The following KHDRBS2 variants were observed in gnomAD, a reference collection of about 807,000 sequenced individuals.
The protein encoded by KHDRBS2 is KH domain-containing, RNA-binding, signal transduction-associated protein 2.
Under a neutral mutation model 44.3 loss-of-function variants are expected in KHDRBS2, and 26 were observed. The observed-to-expected ratio is 0.59, with a 90% CI of 0.43 to 0.81. The LOEUF (loss-of-function observed/expected upper bound fraction) is 0.81. Among genes scored for constraint, KHDRBS2 ranks in the 40% least tolerant of loss-of-function variants. The pLI is 0.00. For missense variants in KHDRBS2, 476 were observed against 433.1 expected, an observed-to-expected ratio of 1.10 and a Z score of -0.88; for synonymous variants, 194 against 151.1, an observed-to-expected ratio of 1.28 and a Z score of -2.08.
intron 2 of KHDRBS2, among the ~76,000 whole-genome samples, chr6:62,145,727 T>A (rs775598965): frequency 1.7e-4 from 26 of 151,910 alleles, no homozygotes; most frequent in Non-Finnish European, 3.2e-4. Flanking sequence ...AGATGGAGCA[T>A]CTGTGAATCT....
At chr6:61,936,821 G>A (rs1275705012) in intron 4 of KHDRBS2, among the ~76,000 whole-genome samples, 2 of 151,830 alleles carry the variant, frequency 1.3e-5, no homozygotes, top group African/African-American at 2.4e-5. Context: ...AAATTCACTG[G>A]TGAGAAATTT....
At chr6:62,072,800 C>A (rs983915811) in intron 2 of KHDRBS2, among the ~76,000 whole-genome samples, 2 of 151,992 alleles carry the variant, frequency 1.3e-5, no homozygotes, top group Non-Finnish European at 2.9e-5. Context: ...GTCTAAAATT[C>A]TCTTTTTTTG....
chr6:62,196,344 A>G (rs1326163658), intron 1 of KHDRBS2, among the ~76,000 whole-genome samples: 1 of 152,176 alleles, frequency 6.6e-6, no homozygotes, highest in Non-Finnish European at 1.5e-5. Context: ...TTACTTCCCA[A>G]TAAGTATACT....
At chr6:61,960,644 C>T (rs1429696912) in intron 4 of KHDRBS2, among the ~76,000 whole-genome samples, 5 of 152,096 alleles carry the variant, frequency 3.3e-5, no homozygotes, top group Non-Finnish European at 1.5e-5. Context: ...AAGCAGAATG[C>T]CTCCATTAAC....
chr6:61,667,817 T>C, the KHDRBS2 span, among the ~76,000 whole-genome samples: 3 of 151,266 alleles, frequency 2.0e-5, no homozygotes, highest in African/African-American at 7.3e-5. Context: ...AGTGTTTTCT[T>C]GGGTGATACA....
chr6:62,262,915 A>T (rs1267883008), intron 1 of KHDRBS2, among the ~76,000 whole-genome samples: 4 of 151,770 alleles, frequency 2.6e-5, no homozygotes, highest in Non-Finnish European at 4.4e-5. Flanking sequence ...CTCTCTAAAA[A>T]CAAATACATG....
the KHDRBS2 span, among the ~76,000 whole-genome samples, chr6:61,661,532 TA>T: frequency 1.3e-5 from 2 of 151,946 alleles, no homozygotes; most frequent in Non-Finnish European, 2.9e-5. Flanking sequence ...CAACCTTTTG[TA>T]TTTAAGGGCT....
At chr6:62,157,432 A>G (rs1481065052) in intron 2 of KHDRBS2, among the ~76,000 whole-genome samples, 1 of 152,222 alleles carries the variant, frequency 6.6e-6, no homozygotes, top group African/African-American at 2.4e-5. Flanking sequence ...ATATCCAACT[A>G]ACTGAAATGT....
intron 3 of KHDRBS2, among the ~76,000 whole-genome samples, chr6:61,989,668 C>A (rs1775754689): frequency 6.6e-6 from 1 of 152,176 alleles, no homozygotes; most frequent in Non-Finnish European, 1.5e-5. Flanking sequence ...TGTTCACTTT[C>A]TCTGGAAAGA....
intron 3 of KHDRBS2, among the ~76,000 whole-genome samples, chr6:62,023,914 T>C (rs1004727241): frequency 1.3e-5 from 2 of 151,188 alleles, no homozygotes; most frequent in African/African-American, 4.8e-5. Context: ...ATACATATTA[T>C]TTAAAACTAT....
At chr6:61,716,607 A>C (rs1400499932) in intron 7 of KHDRBS2, among the ~76,000 whole-genome samples, 1 of 151,936 alleles carries the variant, frequency 6.6e-6, no homozygotes, top group Non-Finnish European at 1.5e-5. Context: ...ATGTTGAAAA[A>C]ACGATAGTCG....
intron 2 of KHDRBS2, among the ~76,000 whole-genome samples, chr6:62,057,778 A>G (rs1790633701): frequency 2.0e-5 from 3 of 151,950 alleles, no homozygotes; most frequent in Non-Finnish European, 4.4e-5. Context: ...AGACAATTAA[A>G]TTTGTATAAG....
At chr6:61,830,331 T>C (rs1791594670) in intron 6 of KHDRBS2, among the ~76,000 whole-genome samples, 1 of 152,208 alleles carries the variant, frequency 6.6e-6, no homozygotes, top group South Asian at 2.1e-4. Flanking sequence ...AATTGACAGC[T>C]ATACATTCAG....
At chr6:62,133,930 G>A (rs933060896) in intron 2 of KHDRBS2, among the ~76,000 whole-genome samples, 26 of 152,104 alleles carry the variant, frequency 1.7e-4, no homozygotes, top group African/African-American at 6.0e-4. Flanking sequence ...GAGGTGACTT[G>A]GGCGCTGTAA....
intron 7 of KHDRBS2, among the ~76,000 whole-genome samples, chr6:61,709,626 G>A (rs947554182): frequency 7.9e-5 from 12 of 151,254 alleles, no homozygotes; most frequent in African/African-American, 1.2e-4. Context: ...ATGAATGAGC[G>A]GTGAGCAATT....
intron 6 of KHDRBS2, among the ~76,000 whole-genome samples, chr6:61,861,636 A>G (rs576209994): frequency 6.8e-6 from 1 of 147,404 alleles, no homozygotes; most frequent in African/African-American, 2.5e-5. Flanking sequence ...ATATAAATCC[A>G]GGTAGCACGA....
the KHDRBS2 span, among the ~76,000 whole-genome samples, chr6:61,660,861 G>A: frequency 6.6e-6 from 1 of 151,780 alleles, no homozygotes; most frequent in Admixed American, 6.6e-5. Flanking sequence ...CATCATGTAT[G>A]GTGGATGACA....
At chr6:61,682,058 A>T (rs1249280897) in intron 8 of KHDRBS2, among the ~76,000 whole-genome samples, 4 of 151,886 alleles carry the variant, frequency 2.6e-5, no homozygotes, top group African/African-American at 9.7e-5. Flanking sequence ...ATTGATATAT[A>T]AAAAAATGGA....
At chr6:62,040,158 G>A (rs527318129) in intron 3 of KHDRBS2, among the ~76,000 whole-genome samples, 19 of 151,936 alleles carry the variant, frequency 1.3e-4, no homozygotes, top group South Asian at 8.3e-4. Context: ...TTGACGGTGG[G>A]AGAGGCAAAT....
Sources: gnomAD v4.1 joint callset for allele counts (sites outside exome capture counted in the v4.1 genomes callset) on GRCh38, gnomAD v4.1.1 for gene constraint, MANE v1.5 for transcripts, NCBI Gene and HGNC (gene_info 2026-07-23, HGNC 2026-07-21) for gene names.